Variants in PCDH15 observed in about 807,000 individuals in gnomAD.
PCDH15 encodes protocadherin related 15, also known as protocadherin-15.
In PCDH15, 129 loss-of-function variants were observed where a neutral mutation model predicts 178.5. The observed-to-expected ratio is 0.72, with a 90% CI of 0.63 to 0.84. The LOEUF is 0.84. PCDH15 is among the 40% of genes least tolerant of loss of function. The pLI, the probability that PCDH15 is intolerant of heterozygous loss-of-function variation, is 0.00. For missense variants in PCDH15, 2,230 were observed against 2,099.9 expected, an observed-to-expected ratio of 1.06 and a Z score of -1.21; for synonymous variants, 800 against 732.0, an observed-to-expected ratio of 1.09 and a Z score of -1.50.
intron 3 of PCDH15, among the ~76,000 whole-genome samples, chr10:54,860,437 CA>C (rs1286704514): frequency 2.0e-5 from 3 of 152,122 alleles, no homozygotes; most frequent in Non-Finnish European, 4.4e-5. Context: ...TAGCTTATGA[CA>C]ATGGCCTCCA....
chr10:54,470,797 C>A (rs1382109122), intron 3 of PCDH15, among the ~76,000 whole-genome samples: 1 of 152,172 alleles, frequency 6.6e-6, no homozygotes, highest in East Asian at 1.9e-4. Context: ...TCTGTCACAT[C>A]TCTGTTGAAT....
intron 2 of PCDH15, among the ~76,000 whole-genome samples, chr10:55,397,660 G>A (rs989022858): frequency 2.6e-5 from 4 of 152,000 alleles, no homozygotes; most frequent in African/African-American, 9.7e-5. Flanking sequence ...TCGGCTCACT[G>A]CAACCTCTCT....
intron 8 of PCDH15, among the ~76,000 whole-genome samples, chr10:54,297,091 G>T (rs2059845535): frequency 6.6e-6 from 1 of 152,050 alleles, no homozygotes; most frequent in African/African-American, 2.4e-5. Flanking sequence ...TGGGCAAGAG[G>T]GGTTTCTGCT....
intron 1 of PCDH15, among the ~76,000 whole-genome samples, chr10:55,249,349 A>G (rs1841771707): frequency 6.6e-6 from 1 of 152,216 alleles, no homozygotes; most frequent in Admixed American, 6.5e-5. Flanking sequence ...GGAATGTATC[A>G]CTAAAATATG....
intron 15 of PCDH15, among the ~76,000 whole-genome samples, chr10:54,122,016 C>G (rs1421795786): frequency 6.6e-6 from 1 of 150,468 alleles, no homozygotes; most frequent in Non-Finnish European, 1.5e-5. Context: ...CACACACACA[C>G]ACACACACAC....
chr10:54,090,841 C>G (rs1441368625), intron 15 of PCDH15, among the ~76,000 whole-genome samples: 2 of 152,076 alleles, frequency 1.3e-5, no homozygotes, highest in Non-Finnish European at 2.9e-5. Context: ...GTGATTATTT[C>G]TGTGTATCCA....
chr10:55,183,295 G>T (rs1839703259), intron 1 of PCDH15, among the ~76,000 whole-genome samples: 1 of 151,876 alleles, frequency 6.6e-6, no homozygotes, highest in Non-Finnish European at 1.5e-5. Context: ...TTAAGAATAT[G>T]TCCTGATATA....
chr10:55,316,256 A>AT (rs1332826403), intron 1 of PCDH15, among the ~76,000 whole-genome samples: 15 of 152,184 alleles, frequency 9.9e-5, no homozygotes, highest in Non-Finnish European at 8.8e-5. Context: ...AAACTCAGTG[A>AT]TTACCTGTCA....
At chr10:54,036,305 TAAAAC>T (rs1421128049) in intron 18 of PCDH15, among the ~76,000 whole-genome samples, 2 of 151,946 alleles carry the variant, frequency 1.3e-5, no homozygotes, top group African/African-American at 4.8e-5. Flanking sequence ...TTCCGTAACT[TAAAAC>T]AGAGAGGTCA....
intron 3 of PCDH15, among the ~76,000 whole-genome samples, chr10:54,876,537 G>C (rs1226575902): frequency 6.6e-6 from 1 of 152,074 alleles, no homozygotes; most frequent in African/African-American, 2.4e-5. Context: ...ATGATTTATG[G>C]GAAGAGGTCA....
chr10:54,121,731 C>T (rs2095222906), intron 15 of PCDH15, among the ~76,000 whole-genome samples: 1 of 152,038 alleles, frequency 6.6e-6, no homozygotes, highest in South Asian at 2.1e-4. Flanking sequence ...TGGAAACACA[C>T]AACCTCTCAA....
intron 2 of PCDH15, among the ~76,000 whole-genome samples, chr10:55,036,578 G>T (rs999379972): frequency 7.0e-4 from 106 of 152,228 alleles, no homozygotes; most frequent in African/African-American, 2.6e-3. Context: ...ATTTGTGGCA[G>T]TATATCCCTC....
intron 3 of PCDH15, among the ~76,000 whole-genome samples, chr10:54,860,682 G>T (rs988627413): frequency 2.6e-5 from 4 of 152,084 alleles, no homozygotes; most frequent in African/African-American, 7.2e-5. Context: ...GGAATGTCTG[G>T]GTCATGTGGT....
intron 17 of PCDH15, among the ~76,000 whole-genome samples, chr10:54,077,821 G>A (rs2094368040): frequency 1.3e-5 from 2 of 152,178 alleles, no homozygotes; most frequent in African/African-American, 2.4e-5. Context: ...CCAGCACTTT[G>A]GGAGGCCAAG....
chr10:54,590,834 C>G (rs879783020), intron 2 of PCDH15, among the ~76,000 whole-genome samples: 3 of 151,818 alleles, frequency 2.0e-5, no homozygotes, highest in Non-Finnish European at 4.4e-5. Flanking sequence ...ATGACACAAG[C>G]TAACAAACAA....
chr10:55,365,205 C>T (rs1305125212), intron 2 of PCDH15, among the ~76,000 whole-genome samples: 1 of 152,098 alleles, frequency 6.6e-6, no homozygotes, highest in Non-Finnish European at 1.5e-5. Flanking sequence ...CCACCATGCA[C>T]CCCAGGGACA....
intron 2 of PCDH15, among the ~76,000 whole-genome samples, chr10:55,544,921 G>A (rs1289019862): frequency 2.6e-5 from 4 of 152,086 alleles, no homozygotes; most frequent in African/African-American, 9.7e-5. Context: ...GAAGTATAAG[G>A]CAGATCTCAC....
At chr10:53,940,311 C>T (rs987913437) in intron 24 of PCDH15, among the ~76,000 whole-genome samples, 5 of 152,110 alleles carry the variant, frequency 3.3e-5, no homozygotes, top group African/African-American at 1.2e-4. Context: ...TCTTAAATTA[C>T]AAAAACTTAT....
chr10:54,773,289 A>C (rs1230408406), intron 1 of PCDH15, among the ~76,000 whole-genome samples: 1 of 152,218 alleles, frequency 6.6e-6, no homozygotes, highest in Non-Finnish European at 1.5e-5. Context: ...GGGAGAAACT[A>C]GATCTAAATG....
Sources: allele counts gnomAD v4.1 joint callset (sites outside exome capture counted in the v4.1 genomes callset), GRCh38; gene constraint gnomAD v4.1.1; transcripts MANE v1.5; gene names NCBI Gene and HGNC (gene_info 2026-07-23, HGNC 2026-07-21).